Variants in SDCBP observed in about 807,000 individuals in gnomAD.
SDCBP encodes syndecan binding protein, also known as syntenin-1.
In SDCBP, 22 loss-of-function variants were observed where a neutral mutation model predicts 30.5. The ratio of observed to expected loss-of-function variants is 0.72; its 90% confidence interval spans 0.52 to 1.03. The LOEUF (loss-of-function observed/expected upper bound fraction) is 1.03. Among genes scored for constraint, SDCBP ranks in the 50% least tolerant of loss-of-function variants. The probability of loss-of-function intolerance (pLI) is 0.00; values close to 1 mark genes in which losing one functional copy is unlikely to be tolerated. For missense variants in SDCBP, 304 were observed against 369.9 expected (o/e 0.82, Z 1.46); for synonymous variants, 103 against 118.7 (o/e 0.87, Z 0.86).
intron 1 of SDCBP, among the ~76,000 whole-genome samples, chr8:58,558,054 C>A (rs1180662465): frequency 1.3e-5 from 2 of 152,010 alleles, no homozygotes; most frequent in African/African-American, 4.8e-5. Flanking sequence ...CTAACAGTTC[C>A]CATTAGGTCA....
chr8:58,557,279 AATATTTATATTTAG>A (rs1405146642), intron 1 of SDCBP, among the ~76,000 whole-genome samples: 3 of 133,562 alleles, frequency 2.2e-5, no homozygotes, highest in Non-Finnish European at 4.6e-5. Context: ...TTATATTTAA[AATATTTATATTTAG>A]ATATTTATAT....
intron 1 of SDCBP, among the ~76,000 whole-genome samples, chr8:58,558,584 T>TA (rs531363361): frequency 6.3e-4 from 96 of 152,346 alleles, no homozygotes; most frequent in African/African-American, 2.2e-3. Flanking sequence ...CTACATTTGA[T>TA]ATCTTTGAGG....
intron 2 of SDCBP, among the ~76,000 whole-genome samples, chr8:58,568,519 A>G (rs1804833476): frequency 6.6e-6 from 1 of 152,216 alleles, no homozygotes; most frequent in South Asian, 2.1e-4. Flanking sequence ...CACAGGAAAT[A>G]CATAAATGAG....
chr8:58,560,587 G>C (rs555319436), intron 1 of SDCBP: 1 of 152,444 alleles, frequency 6.6e-6, no homozygotes, highest in Admixed American at 6.5e-5. Context: ...GCTTGCAGCA[G>C]CTCCAGAGAA....
In SDCBP at chr8:58,572,206, T is replaced by A; in HGVS notation, c.132T>A (p.Asn44Lys). 6.3e-7 allele frequency: 1 copy of A among 1,577,912 alleles called. No homozygotes were observed. Among genetic ancestry groups the A allele is most frequent in the Non-Finnish European group, 8.7e-7 (1 of 1,150,480 alleles). ...TTAATTTATTCATTTACTTTTTAGA[T>A]CTCTATCCCAGACTGTATCCAGAGC... ...EASAPIPHDG[N>K]LYPRLYPELS... is the part of the protein sequence containing the mutation. Residue 44 changes from asparagine to lysine, a missense_variant and splice_region_variant, in exon 4 of 9, where the codon AAT becomes AAA. Asn to Lys is a moderately conservative substitution (Grantham distance 94, BLOSUM62 0). Coordinates refer to ENST00000260130, the MANE Select transcript of SDCBP (RefSeq NM_005625.4).
intron 2 of SDCBP, among the ~76,000 whole-genome samples, 173 bp downstream of exon 2, chr8:58,565,257 A>G (rs910866016): frequency 1.3e-5 from 2 of 149,878 alleles, no homozygotes; most frequent in African/African-American, 4.9e-5. Flanking sequence ...AAAATTAGCA[A>G]TTTTTTTTTT....
At chr8:58,569,220 G>A (rs1804883849) in intron 2 of SDCBP, among the ~76,000 whole-genome samples, 1 of 134,694 alleles carries the variant, frequency 7.4e-6, no homozygotes, top group Non-Finnish European at 1.5e-5. Context: ...ATTTTTGTAT[G>A]TTTACTAGAG....
At chr8:58,555,450 A>T (rs1028158377) in intron 1 of SDCBP, among the ~76,000 whole-genome samples, 15 of 152,200 alleles carry the variant, frequency 9.9e-5, no homozygotes, top group African/African-American at 3.6e-4. Context: ...AGGATTAATT[A>T]TTCTATTACA....
chr8:58,572,401 A>G, intron 4 of SDCBP, 87 bp downstream of exon 4: 1 of 837,926 alleles, frequency 1.2e-6, no homozygotes, highest in Non-Finnish European at 2.0e-6. Flanking sequence ...TAACTCACAG[A>G]TATACTACTA....
In SDCBP at chr8:58,556,875, ATATATAT is replaced by A. The variant is rs1448133487; in HGVS notation, c.-16+3577_-16+3583del. Among the ~76,000 whole-genome samples, 5 of 68,308 alleles carry A rather than the reference ATATATAT, an allele frequency of 7.3e-5. No individual in the cohort carries two copies. The East Asian group carries it at 3.8e-3, about 52-fold the overall frequency. 44.8% of individuals were successfully genotyped at this position (68,308 alleles called of 152,430 possible). On this transcript the variant is annotated intron_variant, in intron 1 of 8. Coordinates refer to ENST00000260130, the MANE Select transcript of SDCBP (RefSeq NM_005625.4). ...GTATTATATATAACATATATAATAC[ATATATAT>A]TATAATACGTATAATACGTATTATA...
intron 2 of SDCBP, among the ~76,000 whole-genome samples, chr8:58,568,792 C>A (rs533221592): frequency 6.6e-6 from 1 of 152,326 alleles, no homozygotes; most frequent in East Asian, 1.9e-4. Flanking sequence ...ACCATTGTAG[C>A]ATTAGACAGA....
chr8:58,565,254 G>A (rs1468595828), intron 2 of SDCBP, among the ~76,000 whole-genome samples, 170 bp downstream of exon 2: 1 of 151,564 alleles, frequency 6.6e-6, no homozygotes, highest in Non-Finnish European at 1.5e-5. Context: ...AGAAAAATTA[G>A]CAATTTTTTT....
chr8:58,565,449 ACT>A (rs1441149848), intron 2 of SDCBP, among the ~76,000 whole-genome samples: 1 of 152,080 alleles, frequency 6.6e-6, no homozygotes, highest in East Asian at 1.9e-4. Flanking sequence ...AGGTATGACC[ACT>A]CTTTAATTCT....
intron 4 of SDCBP, among the ~76,000 whole-genome samples, chr8:58,573,366 G>A (rs1805139780): frequency 6.6e-6 from 1 of 152,146 alleles, no homozygotes; most frequent in Non-Finnish European, 1.5e-5. Flanking sequence ...TGGTGATGCA[G>A]TTGGGAAAAC....
chr8:58,564,738 T>C (rs1173524986), intron 1 of SDCBP, among the ~76,000 whole-genome samples: 2 of 152,214 alleles, frequency 1.3e-5, no homozygotes, highest in African/African-American at 4.8e-5. Flanking sequence ...TATTTGATTT[T>C]CTAAATTTGT....
At chr8:58,567,112 C>T (rs1320439684) in intron 2 of SDCBP, among the ~76,000 whole-genome samples, 1 of 130,176 alleles carries the variant, frequency 7.7e-6, no homozygotes, top group Non-Finnish European at 1.6e-5. Flanking sequence ...CTGGCATGCT[C>T]CTTGGGGCAC....
intron 6 of SDCBP, chr8:58,578,484 T>TA (rs1415381920): frequency 4.0e-6 from 1 of 250,192 alleles, no homozygotes; most frequent in East Asian, 9.5e-5. Flanking sequence ...ATCTCTGGGC[T>TA]CACTTTCCAA....
At chr8:58,571,012 A>G (rs1247294443) in intron 3 of SDCBP, 47 bp downstream of exon 3, 2 of 1,399,820 alleles carry the variant, frequency 1.4e-6, no homozygotes, top group African/African-American at 1.4e-5. Flanking sequence ...AAATATTGTT[A>G]TCTTCTTTTG....
chr8:58,575,875 G>T lies in SDCBP; in HGVS notation c.241-25G>T. ...TTCAAGGAGAGTGTTTCTAGATATT[G>T]ACACATTGTATATGGTTTTGTCAGC... On this transcript the variant is annotated intron_variant, in intron 4 of 8. Coordinates refer to ENST00000260130, the MANE Select transcript of SDCBP (RefSeq NM_005625.4). 3 of 1,573,020 alleles carry T rather than the reference G, an allele frequency of 1.9e-6. No homozygotes were observed. The South Asian group carries it at 3.5e-5, about 18-fold the overall frequency.
Sources: allele counts gnomAD v4.1 joint callset (sites outside exome capture counted in the v4.1 genomes callset), GRCh38; gene constraint gnomAD v4.1.1; transcripts MANE v1.5; gene names NCBI Gene and HGNC (gene_info 2026-07-23, HGNC 2026-07-21).